Variants in PTN observed in about 807,000 individuals in gnomAD.
PTN encodes the protein pleiotrophin, also known as heparin affin regulatory protein.
A neutral mutation model predicts 24.1 loss-of-function variants in PTN; 18 were observed. That is an observed-to-expected ratio of 0.75 (90% CI 0.52 to 1.11). PTN has a LOEUF of 1.11. Ranked by LOEUF, PTN falls within the 50% of genes least tolerant of loss-of-function variation. The probability of loss-of-function intolerance (pLI) is 0.00; values close to 1 mark genes in which losing one functional copy is unlikely to be tolerated. For synonymous variants in PTN, 78 were observed against 68.6 expected, an observed-to-expected ratio of 1.14 and a Z score of -0.67; for missense variants, 163 against 198.8, an observed-to-expected ratio of 0.82 and a Z score of 1.08.
chr7:137,260,524 T>C (rs912538316), intron 1 of PTN, among the ~76,000 whole-genome samples: 1 of 152,146 alleles, frequency 6.6e-6, no homozygotes, highest in Non-Finnish European at 1.5e-5. Context: ...TTTATTTTAT[T>C]TTATTTTTAA....
intron 1 of PTN, among the ~76,000 whole-genome samples, chr7:137,291,523 G>A (rs1201171060): frequency 2.0e-5 from 3 of 152,080 alleles, no homozygotes; most frequent in Non-Finnish European, 4.4e-5. Flanking sequence ...CTGGGCACCT[G>A]TACCTCACAG....
intron 4 of PTN, among the ~76,000 whole-genome samples, chr7:137,233,783 A>G (rs988306318): frequency 6.6e-6 from 1 of 151,816 alleles, no homozygotes; most frequent in South Asian, 2.1e-4. Flanking sequence ...ATTTACCCTG[A>G]AGGAAAAGGA....
intron 1 of PTN, among the ~76,000 whole-genome samples, chr7:137,316,657 C>T (rs539916878): frequency 2.6e-5 from 4 of 152,278 alleles, no homozygotes; most frequent in Non-Finnish European, 4.4e-5. Flanking sequence ...AGATTACTTT[C>T]CTTTCTGCAG....
chr7:137,305,029 C>A (rs989679806), intron 1 of PTN, among the ~76,000 whole-genome samples: 1 of 151,982 alleles, frequency 6.6e-6, no homozygotes, highest in African/African-American at 2.4e-5. Flanking sequence ...TGCTCAGAAC[C>A]AAACCACAAC....
intron 1 of PTN, among the ~76,000 whole-genome samples, chr7:137,341,847 A>G (rs1585052364): frequency 6.6e-6 from 1 of 152,156 alleles, no homozygotes; most frequent in Non-Finnish European, 1.5e-5. Flanking sequence ...GGATGGCATT[A>G]GAGTTTTTTT....
At chr7:137,326,134 G>A (rs1810256202) in intron 1 of PTN, 1 of 152,200 alleles carries the variant, frequency 6.6e-6, no homozygotes. Flanking sequence ...CAATTACCAA[G>A]TGCTACAAGC....
chr7:137,231,393 A>C (rs1297939918), intron 4 of PTN, among the ~76,000 whole-genome samples: 2 of 151,814 alleles, frequency 1.3e-5, no homozygotes, highest in Non-Finnish European at 2.9e-5. Context: ...GTCATCCTTA[A>C]AATCTTAGCC....
chr7:137,243,376 A>G (rs1451796023), intron 4 of PTN, among the ~76,000 whole-genome samples: 1 of 152,174 alleles, frequency 6.6e-6, no homozygotes, highest in Non-Finnish European at 1.5e-5. Flanking sequence ...TCTCTGTACA[A>G]TGGTGTACTC....
chr7:137,326,554 G>A (rs1005849497), intron 1 of PTN: 2 of 152,164 alleles, frequency 1.3e-5, no homozygotes, highest in Non-Finnish European at 2.9e-5. Flanking sequence ...TTGGCTAAGA[G>A]ATCTATAGTG....
At chr7:137,283,926 A>C (rs1395563931) in intron 1 of PTN, among the ~76,000 whole-genome samples, 4 of 145,230 alleles carry the variant, frequency 2.8e-5, no homozygotes, top group Non-Finnish European at 6.0e-5. Context: ...CAGTGTTGAT[A>C]AAATGAATGT....
intron 1 of PTN, among the ~76,000 whole-genome samples, chr7:137,321,527 T>G (rs1810162796): frequency 6.6e-6 from 1 of 152,244 alleles, no homozygotes; most frequent in Non-Finnish European, 1.5e-5. Context: ...TGATGCCACG[T>G]TCTTAGATGG....
intron 1 of PTN, among the ~76,000 whole-genome samples, chr7:137,282,281 C>G (rs1009627103): frequency 3.3e-5 from 5 of 152,176 alleles, no homozygotes; most frequent in African/African-American, 1.2e-4. Context: ...TGTAAGACCT[C>G]AACAGAATGA....
At chr7:137,289,188 C>T (rs1233393537) in intron 1 of PTN, among the ~76,000 whole-genome samples, 1 of 152,102 alleles carries the variant, frequency 6.6e-6, no homozygotes, top group Non-Finnish European at 1.5e-5. Context: ...AACATATTCT[C>T]AAGATTGATA....
At chr7:137,244,424 A>G (rs532680584) in intron 4 of PTN, among the ~76,000 whole-genome samples, 3 of 144,736 alleles carry the variant, frequency 2.1e-5, no homozygotes, top group African/African-American at 7.8e-5. Context: ...GTACATGTGC[A>G]CAACGTGCAG....
At chr7:137,245,233 A>G (rs1281720821) in intron 4 of PTN, among the ~76,000 whole-genome samples, 1 of 152,236 alleles carries the variant, frequency 6.6e-6, no homozygotes, top group African/African-American at 2.4e-5. Flanking sequence ...TTTGATTAGA[A>G]TGATAAAGAC....
chr7:137,307,814 T>C (rs532648503), intron 1 of PTN, among the ~76,000 whole-genome samples: 1 of 152,246 alleles, frequency 6.6e-6, no homozygotes, highest in Admixed American at 6.5e-5. Flanking sequence ...CCAAAGTCAC[T>C]GATGAAGGGC....
chr7:137,317,611 T>C (rs1810093922), intron 1 of PTN, among the ~76,000 whole-genome samples: 1 of 152,206 alleles, frequency 6.6e-6, no homozygotes, highest in Non-Finnish European at 1.5e-5. Context: ...CAGCATTTGT[T>C]GTATTTATTT....
chr7:137,276,688 C>A (rs1809364988), intron 1 of PTN, among the ~76,000 whole-genome samples: 1 of 152,114 alleles, frequency 6.6e-6, no homozygotes, highest in Non-Finnish European at 1.5e-5. Context: ...TCACCAGACT[C>A]ATGCAAGTTA....
At chr7:137,249,835 A>C (rs1808791977) in intron 4 of PTN, among the ~76,000 whole-genome samples, 1 of 152,158 alleles carries the variant, frequency 6.6e-6, no homozygotes, top group African/African-American at 2.4e-5. Context: ...GGGCAGCCTG[A>C]ACCCTAGACT....
Sources: allele counts gnomAD v4.1 joint callset (sites outside exome capture counted in the v4.1 genomes callset), GRCh38; gene constraint gnomAD v4.1.1; transcripts MANE v1.5; gene names NCBI Gene and HGNC (gene_info 2026-07-23, HGNC 2026-07-21).